Variants in THTPA observed in about 807,000 individuals in gnomAD.
The protein encoded by THTPA is thiamine-triphosphatase.
A neutral mutation model predicts 16.5 loss-of-function variants in THTPA; 16 were observed. The ratio of observed to expected loss-of-function variants is 0.97; its 90% confidence interval spans 0.66 to 1.47. The LOEUF is 1.47. Ranked by LOEUF, THTPA falls within the 40% of genes most tolerant of loss-of-function variation. THTPA has a pLI of 0.00. For synonymous variants in THTPA, 110 were observed against 115.5 expected, an observed-to-expected ratio of 0.95 and a Z score of 0.30; for missense variants, 281 against 280.9, an observed-to-expected ratio of 1.00 and a Z score of 0.00.
the THTPA span, chr14:23,532,699 A>G: frequency 1.3e-6 from 2 of 1,532,004 alleles, no homozygotes; most frequent in Admixed American, 3.9e-5. Context: ...AAGGAGCCCC[A>G]TCTCCCAGGG....
At chr14:23,548,829 CT>C in the THTPA span, among the ~76,000 whole-genome samples, 1 of 152,176 alleles carries the variant, frequency 6.6e-6, no homozygotes, top group Non-Finnish European at 1.5e-5. Context: ...TTGTGCTATG[CT>C]TTTTTTCCAA....
At chr14:23,548,847 G>A in the THTPA span, among the ~76,000 whole-genome samples, 13 of 152,100 alleles carry the variant, frequency 8.5e-5, no homozygotes, top group South Asian at 4.2e-4. Flanking sequence ...CCAACCCCCC[G>A]GCGCCCCCGC....
the THTPA span, chr14:23,521,957 T>G: frequency 6.5e-7 from 1 of 1,536,106 alleles, no homozygotes. Context: ...TCTTGGTTAA[T>G]CTGTTTATAA....
the THTPA span, among the ~76,000 whole-genome samples, chr14:23,541,104 C>T: frequency 6.6e-6 from 1 of 151,944 alleles, no homozygotes; most frequent in Non-Finnish European, 1.5e-5. Flanking sequence ...CGGGGTTTCA[C>T]CATGTTGGCC....
At chr14:23,520,056 A>G in the THTPA span, among the ~76,000 whole-genome samples, 2 of 152,232 alleles carry the variant, frequency 1.3e-5, no homozygotes, top group Non-Finnish European at 2.9e-5. The surrounding 1 kb of genome is among the most constrained non-coding windows in gnomAD (Gnocchi z 8.7). Flanking sequence ...TAGGGTTGCC[A>G]GAATTTTCAC....
upstream of THTPA, among the ~76,000 whole-genome samples, chr14:23,553,666 G>T (rs564368792): frequency 6.6e-6 from 1 of 151,822 alleles, no homozygotes; most frequent in Non-Finnish European, 1.5e-5. Flanking sequence ...AGGTGGAGGC[G>T]GGTGGATCAC....
chr14:23,524,511 C>T, the THTPA span: 1 of 1,526,488 alleles, frequency 6.6e-7, no homozygotes, highest in Non-Finnish European at 8.8e-7. This position sits in a 1 kb window ranked among gnomAD's most constrained non-coding sequence, Gnocchi z 5.6. Context: ...TCCCCAAACA[C>T]CAGCAAGGGC....
chr14:23,534,856 A>G, the THTPA span: 29 of 1,535,958 alleles, frequency 1.9e-5, no homozygotes, highest in African/African-American at 2.7e-5. The surrounding 1 kb of genome is among the most constrained non-coding windows in gnomAD (Gnocchi z 4.5). Flanking sequence ...GTAGGCAAGG[A>G]AGGGCAGACT....
Position 23,556,989 on chromosome 14 carries a change from G to A in THTPA, c.232G>A (p.Glu78Lys), listed in dbSNP as rs1245461520. The A allele has an allele frequency of 6.2e-7, 1 of 1,614,206 alleles. No individual in the cohort carries two copies. ...GAAGVLGPHT[E>K]YKELTAEPTI... ...AGCAGGTGTCTTAGGACCCCACACG[G>A]AGTATAAGGAACTCACAGCGGAACC... The change falls in exon 1 of 2, where the codon GAG becomes AAG. Residue 78 changes from glutamate to lysine, a missense_variant. Coordinates refer to ENST00000288014, the MANE Select transcript of THTPA (RefSeq NM_024328.6).
the THTPA span, chr14:23,521,862 C>G: frequency 3.8e-5 from 57 of 1,491,608 alleles, no homozygotes; most frequent in Non-Finnish European, 4.8e-5. Context: ...GTGGGCGGGG[C>G]CAGGGGGTGG....
In THTPA at chr14:23,559,477, G is replaced by A. The variant is rs1883019650; in HGVS notation, c.*637G>A. On this transcript the variant is annotated 3_prime_UTR_variant, in exon 2 of 2. Transcript: ENST00000288014. ...CCCCCGTGTTGAGACAGGTTCTCAA[G>A]GCTCAGGGGAAGATGCATACCTCCT... The A allele has an allele frequency of 9.5e-6, 4 of 421,136 alleles. No homozygotes were observed. The Admixed American group carries it at 1.5e-4, about 15-fold the overall frequency. 26.1% of individuals were successfully genotyped at this position (421,136 alleles called of 1,614,324 possible).
At position 23,559,930 on chromosome 14, in the gene THTPA, A is replaced by C. The variant is rs1304493801; in HGVS notation, c.*1090A>C. On this transcript the variant is annotated 3_prime_UTR_variant, in exon 2 of 2. Transcript: ENST00000288014. ...GGGTCTTGTCTTGGGGGAACTCCTG[A>C]AGCTCACCTTGTTAGGATTGAGGAT... 3 of 1,612,442 alleles carry C rather than the reference A, an allele frequency of 1.9e-6. No individual in the cohort carries two copies. The highest frequency in any genetic ancestry group is 2.5e-6 in the Non-Finnish European group (3 of 1,178,908).
upstream of THTPA, among the ~76,000 whole-genome samples, chr14:23,553,686 A>T (rs911296069): frequency 6.6e-6 from 1 of 151,752 alleles, no homozygotes; most frequent in African/African-American, 2.4e-5. Flanking sequence ...CAAGATCAGG[A>T]GATCGAGACC....
the THTPA span, chr14:23,523,282 C>T: frequency 1.4e-6 from 2 of 1,437,988 alleles, no homozygotes; most frequent in Non-Finnish European, 1.8e-6. This position sits in a 1 kb window ranked among gnomAD's most constrained non-coding sequence, Gnocchi z 4.1. Flanking sequence ...CCAGGCGAGG[C>T]AAGGTTGGGG....
chr14:23,526,721 T>A, the THTPA span: 1 of 1,535,438 alleles, frequency 6.5e-7, no homozygotes, highest in Non-Finnish European at 8.7e-7. Context: ...GGGAACTTCG[T>A]TTAAGCCAGA....
At chr14:23,523,656 C>T in the THTPA span, 3 of 1,545,712 alleles carry the variant, frequency 1.9e-6, no homozygotes, top group Non-Finnish European at 8.7e-7. This position sits in a 1 kb window ranked among gnomAD's most constrained non-coding sequence, Gnocchi z 4.1. Flanking sequence ...CCCAGCACCT[C>T]ACACTCCTGC....
At chr14:23,523,726 C>T in the THTPA span, 1 of 1,536,360 alleles carries the variant, frequency 6.5e-7, no homozygotes, top group Admixed American at 2.0e-5. This position sits in a 1 kb window ranked among gnomAD's most constrained non-coding sequence, Gnocchi z 4.1. Context: ...GCAGGCTGCT[C>T]ATCTGGGTCC....
At chr14:23,524,707 G>A in the THTPA span, 1 of 1,536,294 alleles carries the variant, frequency 6.5e-7, no homozygotes, top group Admixed American at 2.0e-5. This position sits in a 1 kb window ranked among gnomAD's most constrained non-coding sequence, Gnocchi z 5.6. Context: ...CCTCTGCTTG[G>A]CTCAGCTCCT....
At chr14:23,527,680 C>T in the THTPA span, 1 of 1,536,290 alleles carries the variant, frequency 6.5e-7, no homozygotes, top group Non-Finnish European at 8.7e-7. Context: ...GGCAGGCCGG[C>T]CCACCAGCTG....
Sources: gnomAD v4.1 joint callset for allele counts (sites outside exome capture counted in the v4.1 genomes callset) on GRCh38, gnomAD v4.1.1 for gene constraint, Gnocchi (gnomAD v3.1) non-coding constraint, MANE v1.5 for transcripts, NCBI Gene and HGNC (gene_info 2026-07-23, HGNC 2026-07-21) for gene names.